ARHGAP11B: variants seen among roughly 807,000 people sequenced by gnomAD.
ARHGAP11B encodes Rho GTPase activating protein 11B, also known as inactive Rho GTPase-activating protein 11B.
A neutral mutation model predicts 27.6 loss-of-function variants in ARHGAP11B; 14 were observed. The ratio of observed to expected loss-of-function variants is 0.51; its 90% CI spans 0.34 to 0.79. The LOEUF is 0.79. ARHGAP11B is among the 30% of genes least tolerant of loss of function. The pLI is 0.02. For synonymous variants in ARHGAP11B, 82 were observed against 114.1 expected (o/e 0.72, Z 1.80); for missense variants, 245 against 320.1 (o/e 0.77, Z 1.79).
At chr15:30,631,835 G>A (rs1361919545) in intron 2 of ARHGAP11B, among the ~76,000 whole-genome samples, 2 of 143,674 alleles carry the variant, frequency 1.4e-5, no homozygotes, top group African/African-American at 2.6e-5. Context: ...CGCCCAGGCT[G>A]GAGTGCAATG....
chr15:30,641,931 C>T (rs891094932), intron 7 of ARHGAP11B, among the ~76,000 whole-genome samples: 2 of 151,732 alleles, frequency 1.3e-5, no homozygotes, highest in South Asian at 2.1e-4. Context: ...TGGCCAGGCT[C>T]GTTTGAACTC....
chr15:30,633,453 A>G, intron 2 of ARHGAP11B, 37 bp from the exon 3 acceptor site: 3 of 1,560,770 alleles, frequency 1.9e-6, no homozygotes. Context: ...AGGATGTGAT[A>G]TGTATGTCTA....
At chr15:30,626,776 G>C (rs774834205) in exon 1 of ARHGAP11B, 7 of 1,576,476 alleles carry the variant, frequency 4.4e-6, no homozygotes, top group East Asian at 2.3e-5. Flanking sequence ...TGGCGAACGA[G>C]GGTCAGGACC....
exon 8 of ARHGAP11B, chr15:30,644,655 C>G (rs1410930678): frequency 6.3e-7 from 1 of 1,588,500 alleles, no homozygotes; most frequent in African/African-American, 1.3e-5. Context: ...AAACAACCAC[C>G]ATCGGTTAAA....
intron 6 of ARHGAP11B, 33 bp downstream of exon 6, chr15:30,635,666 T>C (rs1595674646): frequency 6.2e-7 from 1 of 1,608,230 alleles, no homozygotes; most frequent in East Asian, 2.2e-5. Context: ...GGAGGTACAG[T>C]GATTTGCTTT....
In ARHGAP11B at chr15:30,629,289, A is replaced by C. The variant is rs553004362; in HGVS notation, c.130-1414A>C. 7.2e-5 allele frequency among the ~76,000 whole-genome samples: 11 copies of C among 152,178 alleles called. 1 individual carries two copies. In the South Asian group the frequency reaches 2.3e-3, roughly 32 times the overall value. ...GTGGGTGCGATGGCTCACGCCTGTA[A>C]TCCCAGCATTTTGGGAGGCCGAGGA... On this transcript the variant is annotated intron_variant, in intron 1 of 10. Coordinates refer to ENST00000428041, the Ensembl canonical transcript of ARHGAP11B.
chr15:30,628,879 G>C lies in ARHGAP11B; in HGVS notation c.130-1824G>C, dbSNP rs139834801. Among the ~76,000 whole-genome samples the C allele has an allele frequency of 2.0e-3, 303 of 152,006 alleles. 2 individuals are homozygous for C. Among genetic ancestry groups the C allele is most frequent in the African/African-American group, 7.0e-3 (289 of 41,486 alleles). On this transcript the variant is annotated intron_variant, in intron 1 of 10. Coordinates refer to ENST00000428041, the Ensembl canonical transcript of ARHGAP11B. Reference sequence around the variant, plus strand: ...TGAAGCCAGTTATTCTAAATAATAAGACTTAAGGAAAAAAACACGCTGAAT... The same window carrying C: ...TGAAGCCAGTTATTCTAAATAATAACACTTAAGGAAAAAAACACGCTGAAT...
At chr15:30,645,877 T>G (rs2060344585) in intron 8 of ARHGAP11B, among the ~76,000 whole-genome samples, 2 of 152,090 alleles carry the variant, frequency 1.3e-5, no homozygotes, top group South Asian at 2.1e-4. Flanking sequence ...ACATCTGCTT[T>G]ATTTGAAAGC....
intron 4 of ARHGAP11B, 140 bp from the exon 5 acceptor site, chr15:30,634,940 C>G: frequency 1.3e-6 from 1 of 766,922 alleles, no homozygotes; most frequent in East Asian, 2.7e-5. Context: ...TGTGTTCAAG[C>G]CAATCATGTA....
intron 9 of ARHGAP11B, among the ~76,000 whole-genome samples, chr15:30,647,088 T>C (rs1171185101): frequency 6.6e-6 from 1 of 152,016 alleles, no homozygotes; most frequent in Non-Finnish European, 1.5e-5. Context: ...GGTCATCTGG[T>C]AAACTGCAAG....
At chr15:30,640,435 G>A (rs985585722) in intron 7 of ARHGAP11B, among the ~76,000 whole-genome samples, 2 of 123,146 alleles carry the variant, frequency 1.6e-5, no homozygotes, top group African/African-American at 3.1e-5. Flanking sequence ...ATGCTAATCC[G>A]GAGATTAGTC....
intron 9 of ARHGAP11B, among the ~76,000 whole-genome samples, chr15:30,646,899 C>T (rs2060352599): frequency 6.6e-6 from 1 of 151,144 alleles, no homozygotes; most frequent in Admixed American, 6.6e-5. Flanking sequence ...AACCTGGGAG[C>T]CAGAGGTTGC....
At chr15:30,633,116 AAG>A (rs2060255868) in intron 2 of ARHGAP11B, among the ~76,000 whole-genome samples, 1 of 150,444 alleles carries the variant, frequency 6.6e-6, no homozygotes, top group Admixed American at 6.7e-5. Context: ...AGTGAGCTTG[AAG>A]AGAGCTATTT....
At chr15:30,632,660 C>T (rs1357906085) in intron 2 of ARHGAP11B, among the ~76,000 whole-genome samples, 1 of 150,742 alleles carries the variant, frequency 6.6e-6, no homozygotes, top group African/African-American at 2.4e-5. Flanking sequence ...TGTTCAATAT[C>T]TAGGTATCTA....
intron 1 of ARHGAP11B, among the ~76,000 whole-genome samples, chr15:30,627,982 TA>T (rs772929346): frequency 2.0e-5 from 3 of 151,874 alleles, no homozygotes; most frequent in Non-Finnish European, 4.4e-5. Context: ...TTTCTGATTG[TA>T]AAACTGGCTT....
At chr15:30,644,589 A>G in intron 7 of ARHGAP11B, 5 of 1,150,412 alleles carry the variant, frequency 4.3e-6, no homozygotes, top group South Asian at 1.3e-5. Context: ...ATAAGGAGAC[A>G]TATCAATCTC....
Position 30,628,540 on chromosome 15 carries a change from T to C in ARHGAP11B, c.129+1591T>C, listed in dbSNP as rs80068880. On this transcript the variant is annotated intron_variant, in intron 1 of 10. Coordinates refer to ENST00000428041, the Ensembl canonical transcript of ARHGAP11B. ...CTATAAAGTGGGAACGTATTTCTCCTTGGATTATTTAGGGATTTTTAAAAA... is the reference window on the plus strand; with the variant it reads ...CTATAAAGTGGGAACGTATTTCTCCCTGGATTATTTAGGGATTTTTAAAAA... Among the ~76,000 whole-genome samples, 32 of 152,178 alleles carry C rather than the reference T, an allele frequency of 2.1e-4. 1 individual carries two copies. In the East Asian group the frequency reaches 5.1e-3, roughly 24 times the overall value.
At chr15:30,626,580 A>G (rs1184105725) in exon 1 of ARHGAP11B, 3 of 540,620 alleles carry the variant, frequency 5.5e-6, no homozygotes, top group Non-Finnish European at 9.5e-6. Flanking sequence ...CTGTAAGTGA[A>G]GGAAGAGTGA....
intron 10 of ARHGAP11B, among the ~76,000 whole-genome samples, chr15:30,647,962 T>C (rs1258251972): frequency 1.3e-5 from 2 of 152,020 alleles, no homozygotes; most frequent in African/African-American, 2.4e-5. Flanking sequence ...TTAACTGTTC[T>C]TGTTTTTTTA....
Sources: allele counts gnomAD v4.1 joint callset (sites outside exome capture counted in the v4.1 genomes callset), GRCh38; gene constraint gnomAD v4.1.1; transcripts MANE v1.5; gene names NCBI Gene and HGNC (gene_info 2026-07-23, HGNC 2026-07-21).